ZFR: variants seen among roughly 807,000 people sequenced by gnomAD.
ZFR encodes zinc finger RNA binding protein, also known as zinc finger RNA-binding protein.
Under a neutral mutation model 130.7 loss-of-function variants are expected in ZFR, and 19 were observed. The observed-to-expected ratio is 0.15, with a 90% CI of 0.10 to 0.21. ZFR has a LOEUF of 0.21. ZFR is among the 10% of genes least tolerant of loss of function. The pLI is 1.00. For synonymous variants in ZFR, 466 were observed against 456.9 expected (o/e 1.02, Z -0.25); for missense variants, 872 against 1,321.5 (o/e 0.66, Z 5.27).
chr5:32,417,732 A>G lies in ZFR; in HGVS notation c.481T>C (p.Tyr161His). Residue 161 changes from tyrosine to histidine, a missense_variant, in exon 4 of 20, where the codon TAC becomes CAC. Tyr to His is a moderately conservative substitution (Grantham distance 83). Coordinates refer to ENST00000265069, the MANE Select transcript of ZFR (RefSeq NM_016107.5). The stretch of plus-strand genomic sequence containing the variant: ...GCAGCAGTTGCTGTTGGTTGTTGGT[A>G]GTATTGCTTACTATCATAAGCTACA... ...PAVAYDSKQY[Y>H]QQPTATAAAV... The G allele has an allele frequency of 6.2e-7, 1 of 1,614,006 alleles. No homozygotes were observed. The highest frequency in any genetic ancestry group is 8.5e-7 in the Non-Finnish European group (1 of 1,179,874).
rs1322468032 is a variant in ZFR, at chr5:32,403,886, T to G, written c.1224+20A>C. On this transcript the variant is annotated intron_variant, in intron 7 of 19. Transcript: ENST00000265069. Reference sequence around the variant, plus strand: ...ATAACAGAATCAAGGCATAAGGGTGTGTGGGAAAAAAACACCTACTTTCTG... The same window carrying G: ...ATAACAGAATCAAGGCATAAGGGTGGGTGGGAAAAAAACACCTACTTTCTG... 1.3e-6 allele frequency: 2 copies of G among 1,556,712 alleles called. No homozygotes were observed. Among genetic ancestry groups the G allele is most frequent in the African/African-American group, 2.7e-5 (2 of 72,952 alleles).
At position 32,406,885 on chromosome 5, in the gene ZFR, G is replaced by T. The variant is rs755125519; in HGVS notation, c.921C>A (p.Thr307=). The T allele has an allele frequency of 6.2e-7, 1 of 1,613,964 alleles. No individual in the cohort carries two copies. Among genetic ancestry groups the T allele is most frequent in the East Asian group, 2.2e-5 (1 of 44,858 alleles). ...TTTGGAATGGTGCTTTTTTAGTAAA[G>T]GTGGTCCCTGTCCAGGCAGCTGTTG... ...AAATAAWTGT[T]FTKKAPFQNK... is the part of the protein sequence containing the mutation. Residue 307 remains threonine, a synonymous_variant, in exon 6 of 20, where the codon ACC becomes ACA. Coordinates refer to ENST00000265069, the MANE Select transcript of ZFR (RefSeq NM_016107.5).
intron 7 of ZFR, 88 bp downstream of exon 7, chr5:32,403,818 C>T (rs961997970): frequency 2.2e-6 from 3 of 1,345,972 alleles, no homozygotes; most frequent in Non-Finnish European, 3.0e-6. Flanking sequence ...AGTTTTCGAA[C>T]TTTGAAGTTA....
intron 15 of ZFR, among the ~76,000 whole-genome samples, chr5:32,380,955 CA>C (rs2111711243): frequency 6.6e-6 from 1 of 152,116 alleles, no homozygotes; most frequent in African/African-American, 2.4e-5. Flanking sequence ...CGGCCCAAAA[CA>C]GGCATTTCTA....
intron 6 of ZFR, among the ~76,000 whole-genome samples, chr5:32,404,676 T>C (rs1431323477): frequency 1.3e-5 from 2 of 152,224 alleles, no homozygotes; most frequent in Non-Finnish European, 2.9e-5. Context: ...AAAATAGTAT[T>C]ATAGTTACAT....
chr5:32,402,971 G>C, intron 8 of ZFR, 135 bp downstream of exon 8: 1 of 787,206 alleles, frequency 1.3e-6, no homozygotes, highest in Non-Finnish European at 2.0e-6. Context: ...ACACTAGGCA[G>C]ATATGTGAAG....
At chr5:32,432,245 C>T (rs1447187052) in intron 2 of ZFR, among the ~76,000 whole-genome samples, 2 of 152,054 alleles carry the variant, frequency 1.3e-5, no homozygotes, top group African/African-American at 4.8e-5. Flanking sequence ...CAAGTTTGTG[C>T]ATCAAAGTTG....
Position 32,379,186 on chromosome 5 carries a change from A to G in ZFR, c.2764T>C (p.Cys922Arg), listed in dbSNP as rs1376972510. 1 of 1,614,030 alleles carries G rather than the reference A, an allele frequency of 6.2e-7. No individual in the cohort carries two copies. Among genetic ancestry groups the G allele is most frequent in the Non-Finnish European group, 8.5e-7 (1 of 1,179,954 alleles). Residue 922 changes from cysteine to arginine, a missense_variant, in exon 17 of 20, where the codon TGT becomes CGT. Physicochemically the swap from Cys to Arg is radical, Grantham distance 180. This residue lies in a region of ZFR where 158 missense variants were observed against 264.0 expected (regional missense o/e 0.60). Coordinates refer to ENST00000265069, the MANE Select transcript of ZFR (RefSeq NM_016107.5). ...CGAAGAATGCGTATGATAATCACACAGGACTGCAGACCATTAGCTCTAGCC... is the reference window on the plus strand; with the variant it reads ...CGAAGAATGCGTATGATAATCACACGGGACTGCAGACCATTAGCTCTAGCC... ...FQARANGLQS[C>R]VIIIRILRDL...
intron 2 of ZFR, among the ~76,000 whole-genome samples, chr5:32,424,823 A>C (rs941712420): frequency 5.9e-5 from 9 of 152,206 alleles, no homozygotes; most frequent in African/African-American, 1.7e-4. Flanking sequence ...GAATCAATCT[A>C]AATTAGAGAA....
chr5:32,368,401 A>G (rs542240457), intron 17 of ZFR, among the ~76,000 whole-genome samples: 1 of 152,300 alleles, frequency 6.6e-6, no homozygotes, highest in Non-Finnish European at 1.5e-5. Context: ...ACGCCCAGCT[A>G]ATTTTGTATT....
intron 3 of ZFR, 95 bp from the exon 4 acceptor site, chr5:32,417,887 C>G: frequency 8.7e-7 from 1 of 1,151,188 alleles, no homozygotes; most frequent in Non-Finnish European, 1.3e-6. Context: ...AAACAAAACA[C>G]TAAATACGTA....
rs73757225 is a variant in ZFR, at chr5:32,379,929, T to C, written c.2739+146A>G. The C allele has an allele frequency of 2.6e-3, 1,521 of 591,912 alleles. 20 individuals are homozygous for C. Among genetic ancestry groups the C allele is most frequent in the African/African-American group, 0.026 (1,398 of 54,666 alleles). The allele number at this position is 591,912 out of a possible 1,614,324, so 36.7% of individuals were successfully genotyped here. On this transcript the variant is annotated intron_variant, in intron 16 of 19. Coordinates refer to ENST00000265069, the MANE Select transcript of ZFR (RefSeq NM_016107.5). ...CAATATGCAGATCATCATACCCAGC[T>C]TTCTATGTTAACATATTTTCTGATA...
At chr5:32,417,267 G>C (rs949327595) in intron 4 of ZFR, among the ~76,000 whole-genome samples, 7 of 152,140 alleles carry the variant, frequency 4.6e-5, no homozygotes, top group Admixed American at 4.6e-4. Flanking sequence ...AGCGATCAGA[G>C]AAAGATTAAT....
rs1207888057 is a variant in ZFR, at chr5:32,388,587, C to G, written c.2230G>C (p.Val744Leu). 2 of 1,614,042 alleles carry G rather than the reference C, an allele frequency of 1.2e-6. No individual in the cohort carries two copies. The highest frequency in any genetic ancestry group is 1.7e-6 in the Non-Finnish European group (2 of 1,179,936). The change falls in exon 13 of 20, where the codon GTT becomes CTT. Residue 744 changes from valine to leucine, a missense_variant. Coordinates refer to ENST00000265069, the MANE Select transcript of ZFR (RefSeq NM_016107.5). ...TCAGTAATAGAAACAATTTTCTGAA[C>G]TGCCTGTAACTCCTCTTCAGTTGGA... ...IYPTEEELQA[V>L]QKIVSITERA...
At position 32,444,695 on chromosome 5, in the gene ZFR, C is replaced by A. The variant is rs750646340; in HGVS notation, c.-37G>T. On this transcript the variant is annotated 5_prime_UTR_variant, in exon 1 of 20. Coordinates refer to ENST00000265069, the MANE Select transcript of ZFR (RefSeq NM_016107.5). ...GCTGCTGCTGAACTCTGAACTCTCA[C>A]CCGCTGCCTCCCTCCTCTGCCCCGC... The A allele has an allele frequency of 6.7e-7, 1 of 1,502,230 alleles. No individual in the cohort carries two copies. The highest frequency in any genetic ancestry group is 8.9e-7 in the Non-Finnish European group (1 of 1,125,450). 93.1% of individuals were successfully genotyped at this position (1,502,230 alleles called of 1,614,324 possible).
At chr5:32,438,478 G>C (rs182154231) in intron 2 of ZFR, among the ~76,000 whole-genome samples, 5 of 151,998 alleles carry the variant, frequency 3.3e-5, no homozygotes, top group African/African-American at 1.2e-4. Context: ...GGTCAGGCTG[G>C]TCTCGAATTC....
At chr5:32,369,431 GT>G (rs1328949736) in intron 17 of ZFR, among the ~76,000 whole-genome samples, 2 of 151,908 alleles carry the variant, frequency 1.3e-5, no homozygotes, top group Admixed American at 1.3e-4. Context: ...AATTATAGCA[GT>G]TTTCTTCACC....
intron 19 of ZFR, 110 bp downstream of exon 19, chr5:32,363,838 A>G: frequency 1.1e-6 from 1 of 880,340 alleles, no homozygotes; most frequent in Non-Finnish European, 1.7e-6. Context: ...CTACAGAAGC[A>G]GAAGAACGAA....
intron 15 of ZFR, among the ~76,000 whole-genome samples, chr5:32,382,646 G>A (rs1752958190): frequency 6.6e-6 from 1 of 151,816 alleles, no homozygotes; most frequent in Non-Finnish European, 1.5e-5. Flanking sequence ...TTTCACTCTT[G>A]TCGCCCAGGC....
Sources: allele counts gnomAD v4.1 joint callset (sites outside exome capture counted in the v4.1 genomes callset), GRCh38; gene constraint gnomAD v4.1.1; regional missense constraint gnomAD v4.1.1; transcripts MANE v1.5; gene names NCBI Gene and HGNC (gene_info 2026-07-23, HGNC 2026-07-21).